LRP1B: variants seen among roughly 807,000 people sequenced by gnomAD.
LRP1B encodes LDL receptor related protein 1B.
Under a neutral mutation model 556.6 loss-of-function variants are expected in LRP1B, and 217 were observed. The ratio of observed to expected loss-of-function variants is 0.39; its 90% CI spans 0.35 to 0.44. The LOEUF is 0.44. Among genes scored for constraint, LRP1B ranks in the 20% least tolerant of loss-of-function variants. The pLI is 1.00. For synonymous variants in LRP1B, 2,047 were observed against 1,865.8 expected (o/e 1.10, Z -2.50); for missense variants, 5,053 against 5,620.8 (o/e 0.90, Z 3.23).
At position 140,274,585 on chromosome 2, in the gene LRP1B, G is replaced by A. The variant is rs149740376; in HGVS notation, c.12981C>T (p.His4327=). The part of the protein sequence containing the change: ...GDRCQYYVCH[H]YCVNSESCTI... ...TACATGATTCAGAATTCACACAATA[G>A]TGGTGGCACACGTCTAGGAAAAAAA... Residue 4327 remains histidine, a synonymous_variant, in exon 85 of 91, where the codon CAC becomes CAT. Transcript: ENST00000389484. 6 of 1,610,624 alleles carry A rather than the reference G, an allele frequency of 3.7e-6. No individual in the cohort carries two copies. Among genetic ancestry groups the A allele is most frequent in the Middle Eastern group, 1.6e-4 (1 of 6,064 alleles).
chr2:141,213,601 C>G (rs76667259), intron 6 of LRP1B, among the ~76,000 whole-genome samples: 3,047 of 152,254 alleles, frequency 0.02, 41 homozygotes, highest in Middle Eastern at 0.034. Context: ...GACAGTGGCC[C>G]CAGCCTGGAT....
chr2:141,551,072 C>T (rs1447119962), intron 2 of LRP1B, among the ~76,000 whole-genome samples: 1 of 151,840 alleles, frequency 6.6e-6, no homozygotes, highest in Non-Finnish European at 1.5e-5. Flanking sequence ...AGCTTCTGTG[C>T]TAGAAATAGG....
intron 6 of LRP1B, among the ~76,000 whole-genome samples, chr2:141,217,742 TAATTA>T (rs2105267960): frequency 1.3e-5 from 2 of 152,228 alleles, no homozygotes; most frequent in South Asian, 4.1e-4. Context: ...CAATGAATCC[TAATTA>T]AACTAAAGAG....
rs1699246183 is a variant in LRP1B, at chr2:141,058,485, TTAGGAGAGCCCAATGAC to T, written c.1408+381_1408+397del. ...GTTAAAGAACAATTGCAATGTTAAG[TTAGGAGAGCCCAATGAC>T]TATAATAAACACTGGACAGATACTT... is the stretch of plus-strand genomic sequence containing the variant. On this transcript the variant is annotated intron_variant, in intron 9 of 90. Coordinates refer to ENST00000389484, the MANE Select transcript of LRP1B (RefSeq NM_018557.3). Among the ~76,000 whole-genome samples, 4 of 151,976 alleles carry T rather than the reference TTAGGAGAGCCCAATGAC, an allele frequency of 2.6e-5. No homozygotes were observed. In the South Asian group the frequency reaches 8.3e-4, roughly 31 times the overall value.
At chr2:141,067,785 C>T (rs974750469) in intron 7 of LRP1B, among the ~76,000 whole-genome samples, 1 of 151,964 alleles carries the variant, frequency 6.6e-6, no homozygotes, top group African/African-American at 2.4e-5. Flanking sequence ...TCTCAATAAT[C>T]TCAACTGCAA....
At position 141,866,311 on chromosome 2, in the gene LRP1B, A is replaced by G. The variant is rs1698412430; in HGVS notation, c.83-55910T>C. ...TTGCTAATGTCTCTCTCTAGTCTAC[A>G]GCTTCTTCATTATTTTCTAGTTAAT... On this transcript the variant is annotated intron_variant, in intron 1 of 90. Transcript: ENST00000389484. Among the ~76,000 whole-genome samples, 3 of 152,212 alleles carry G rather than the reference A, an allele frequency of 2.0e-5. No individual in the cohort carries two copies. In the South Asian group the frequency reaches 6.2e-4, roughly 32 times the overall value.
chr2:140,975,233 T>A (rs1696556818), intron 18 of LRP1B, among the ~76,000 whole-genome samples: 1 of 151,814 alleles, frequency 6.6e-6, no homozygotes, highest in Admixed American at 6.6e-5. Flanking sequence ...TAGATCTAGA[T>A]ATGCAGGGAA....
Position 140,993,892 on chromosome 2 carries a change from C to A in LRP1B, c.2644+103G>T, listed in dbSNP as rs11678316. 25 of 1,168,766 alleles carry A rather than the reference C, an allele frequency of 2.1e-5. No homozygotes were observed. In the African/African-American group the frequency reaches 3.5e-4, roughly 17 times the overall value. 72.4% of individuals were successfully genotyped at this position (1,168,766 alleles called of 1,614,324 possible). A position where few individuals can be genotyped will look rare whatever the true frequency, so the allele number is the denominator to read the frequency against. ...ACTGAAAAATTAAACTAGGTTCAAT[C>A]TGCATCAAAGGTATTTTCAGATTGT... On this transcript the variant is annotated intron_variant, in intron 16 of 90. Transcript: ENST00000389484.
chr2:141,858,236 A>G (rs1698127275), intron 1 of LRP1B, among the ~76,000 whole-genome samples: 1 of 152,142 alleles, frequency 6.6e-6, no homozygotes, highest in South Asian at 2.1e-4. Flanking sequence ...TCCCATATTC[A>G]TGTAGAGTTG....
chr2:141,778,933 A>T (rs1480325173), intron 2 of LRP1B, among the ~76,000 whole-genome samples: 1 of 152,202 alleles, frequency 6.6e-6, no homozygotes, highest in African/African-American at 2.4e-5. Flanking sequence ...AATCACTAAG[A>T]GTGGGTGGAC....
At chr2:140,886,079 C>G (rs1280875977) in intron 24 of LRP1B, 59 bp downstream of exon 24, 1 of 1,085,362 alleles carries the variant, frequency 9.2e-7, no homozygotes, top group African/African-American at 1.6e-5. Flanking sequence ...ATAACGTGTT[C>G]TTTGAATTTT....
At chr2:140,856,827 G>T (rs1319779205) in intron 27 of LRP1B, among the ~76,000 whole-genome samples, 5 of 151,852 alleles carry the variant, frequency 3.3e-5, no homozygotes. Flanking sequence ...TGTGTTAGAG[G>T]TAGGGACATT....
intron 41 of LRP1B, among the ~76,000 whole-genome samples, chr2:140,693,173 C>T (rs1449055815): frequency 6.6e-6 from 1 of 151,966 alleles, no homozygotes; most frequent in Non-Finnish European, 1.5e-5. Context: ...ATTACTTTCA[C>T]TTTTTAATAA....
chr2:141,776,858 A>C (rs775472011), intron 2 of LRP1B, among the ~76,000 whole-genome samples: 3 of 152,210 alleles, frequency 2.0e-5, no homozygotes, highest in Non-Finnish European at 4.4e-5. Context: ...AACAGCTTCC[A>C]TTTACTGGCT....
At chr2:141,931,308 T>C (rs534006569) in intron 1 of LRP1B, among the ~76,000 whole-genome samples, 1 of 152,004 alleles carries the variant, frequency 6.6e-6, no homozygotes, top group African/African-American at 2.4e-5. Flanking sequence ...TCTAATGGTG[T>C]GTATGTGAGG....
intron 17 of LRP1B, among the ~76,000 whole-genome samples, chr2:140,985,475 T>A (rs1012922495): frequency 3.3e-5 from 5 of 151,564 alleles, no homozygotes; most frequent in African/African-American, 1.2e-4. Context: ...TGAAACTGTC[T>A]AGGCTTGAAT....
At chr2:140,675,238 G>A (rs1209360923) in intron 41 of LRP1B, among the ~76,000 whole-genome samples, 2 of 152,152 alleles carry the variant, frequency 1.3e-5, no homozygotes, top group African/African-American at 4.8e-5. Flanking sequence ...TTGCAACACT[G>A]TTTACGTTAG....
intron 16 of LRP1B, among the ~76,000 whole-genome samples, chr2:140,993,714 A>AGTG (rs1351794428): frequency 6.6e-6 from 1 of 152,060 alleles, no homozygotes; most frequent in Non-Finnish European, 1.5e-5. Context: ...AACCTCTGAC[A>AGTG]GTGGCATGGT....
At chr2:141,256,559 G>A (rs937137419) in intron 3 of LRP1B, among the ~76,000 whole-genome samples, 1 of 151,960 alleles carries the variant, frequency 6.6e-6, no homozygotes, top group Non-Finnish European at 1.5e-5. Flanking sequence ...GATAGTAAAG[G>A]AAGAAAAGCT....
Sources: gnomAD v4.1 joint callset for allele counts (sites outside exome capture counted in the v4.1 genomes callset) on GRCh38, gnomAD v4.1.1 for gene constraint, MANE v1.5 for transcripts, NCBI Gene and HGNC (gene_info 2026-07-23, HGNC 2026-07-21) for gene names.